The following JAKMIP1 variants were observed in gnomAD, a reference collection of about 807,000 sequenced individuals.
The protein encoded by JAKMIP1 is janus kinase and microtubule interacting protein 1.
In JAKMIP1, 33 loss-of-function variants were observed where a neutral mutation model predicts 113.0. That is an observed-to-expected ratio of 0.29 (90% CI 0.22 to 0.39). JAKMIP1 has a LOEUF of 0.39. JAKMIP1 is among the 10% of genes least tolerant of loss of function. JAKMIP1 has a pLI of 1.00. For missense variants in JAKMIP1, 813 were observed against 1,080.5 expected (o/e 0.75, Z 3.47); for synonymous variants, 480 against 459.9 (o/e 1.04, Z -0.56).
rs1470835663 is a variant in JAKMIP1 at position 6,040,216 on chromosome 4, G to A, written c.2175+423C>T. Among the ~76,000 whole-genome samples the A allele has an allele frequency of 1.3e-5, 2 of 152,084 alleles. No homozygotes were observed. Among genetic ancestry groups the A allele is most frequent in the Admixed American group, 6.5e-5 (1 of 15,280 alleles). ...AGTATTACATCCGACCTTATACCTCGTCCCTTCGGTTCTGAAAATCACCTG... is the reference window on the plus strand; with the variant it reads ...AGTATTACATCCGACCTTATACCTCATCCCTTCGGTTCTGAAAATCACCTG... On this transcript the variant is annotated intron_variant, in intron 18 of 20. Transcript: ENST00000409021. This position sits in a 1 kb window ranked among gnomAD's most constrained non-coding sequence, Gnocchi z 5.8.
At chr4:6,075,556 C>A (rs139680204) in intron 8 of JAKMIP1, among the ~76,000 whole-genome samples, 2 of 152,146 alleles carry the variant, frequency 1.3e-5, no homozygotes, top group African/African-American at 4.8e-5. Context: ...GACCCTAAAC[C>A]CATTCAGGAA....
rs76773767 is a variant in JAKMIP1 at position 6,155,081 on chromosome 4, G to A, written c.-147-42084C>T. ...CGGGAGATGCCAGCCCAGCCTGCTG[G>A]GAAGATACTTCTGGTGACAGTGTTG... On this transcript the variant is annotated intron_variant, in intron 1 of 20. Coordinates refer to ENST00000409021, the MANE Select transcript of JAKMIP1 (RefSeq NM_001099433.2). This position sits in a 1 kb window ranked among gnomAD's most constrained non-coding sequence, Gnocchi z 6.1. Among the ~76,000 whole-genome samples the A allele has an allele frequency of 0.054, 8,194 of 152,168 alleles. 302 individuals carry two copies. Among genetic ancestry groups the A allele is most frequent in the African/African-American group, 0.099 (4,096 of 41,490 alleles).
rs1714759722 is a variant in JAKMIP1, at chr4:6,044,659, T to C, written c.2029-2432A>G. Among the ~76,000 whole-genome samples the C allele has an allele frequency of 6.6e-6, 1 of 152,268 alleles. No homozygotes were observed. The highest frequency in any genetic ancestry group is 3.4e-3 in the Middle Eastern group (1 of 294). On this transcript the variant is annotated intron_variant, in intron 16 of 20. Coordinates refer to ENST00000409021, the MANE Select transcript of JAKMIP1 (RefSeq NM_001099433.2). The surrounding 1 kb of genome is among the most constrained non-coding windows in gnomAD (Gnocchi z 4.4). ...AATGGGAAATCCAGGTTTGGATGAT[T>C]ACAACATGCTGCTCTCAGAACGGTT...
rs939000053 is a variant in JAKMIP1 at position 6,081,229 on chromosome 4, G to A, written c.1101+380C>T. Among the ~76,000 whole-genome samples the A allele has an allele frequency of 6.6e-6, 1 of 152,222 alleles. No homozygotes were observed. Among genetic ancestry groups the A allele is most frequent in the African/African-American group, 2.4e-5 (1 of 41,454 alleles). Reference sequence around the variant, plus strand: ...AGCATCGCCAGCGATCATTGTAACAGCTTTCACTTGCTGGGTGTCCTCTGG... The same window carrying A: ...AGCATCGCCAGCGATCATTGTAACAACTTTCACTTGCTGGGTGTCCTCTGG... On this transcript the variant is annotated intron_variant, in intron 6 of 20. Transcript: ENST00000409021. This position sits in a 1 kb window ranked among gnomAD's most constrained non-coding sequence, Gnocchi z 4.6.
chr4:6,079,571 C>T (rs552834636), intron 7 of JAKMIP1, among the ~76,000 whole-genome samples: 2 of 152,336 alleles, frequency 1.3e-5, no homozygotes, highest in Admixed American at 1.3e-4. Context: ...CCAACTAAAG[C>T]TCCCTGCAGG....
At position 6,113,747 on chromosome 4, in the gene JAKMIP1, G is replaced by A. The variant is rs376320425; in HGVS notation, c.-147-750C>T. 9.2e-5 allele frequency among the ~76,000 whole-genome samples: 14 copies of A among 152,286 alleles called. No homozygotes were observed. In the East Asian group the frequency reaches 1.2e-3, roughly 13 times the overall value. The stretch of plus-strand genomic sequence containing the variant: ...CTCTGCTCTCCCTTCCCTTCACCAC[G>A]TCTCCTTCTCGTTTTCCATCTGACA... On this transcript the variant is annotated intron_variant, in intron 1 of 20. Transcript: ENST00000409021.
In JAKMIP1 at chr4:6,185,383, C is replaced by T. The variant is rs1245204002; in HGVS notation, c.-148+14870G>A. ...ACCCCAGGGGCCGGGCACGGTGGCT[C>T]ACGCCTGTAATCCCAGCACTTTGGG... On this transcript the variant is annotated intron_variant, in intron 1 of 20. Transcript: ENST00000409021. This position sits in a 1 kb window ranked among gnomAD's most constrained non-coding sequence, Gnocchi z 5.3. 6.6e-6 allele frequency among the ~76,000 whole-genome samples: 1 copy of T among 151,986 alleles called. No individual in the cohort carries two copies. Among genetic ancestry groups the T allele is most frequent in the Non-Finnish European group, 1.5e-5 (1 of 67,996 alleles).
rs1717283047 is a variant in JAKMIP1, at chr4:6,061,533, G to A, written c.1560+779C>T. Among the ~76,000 whole-genome samples, 1 of 152,250 alleles carries A rather than the reference G, an allele frequency of 6.6e-6. No individual in the cohort carries two copies. The highest frequency in any genetic ancestry group is 2.4e-5 in the African/African-American group (1 of 41,468). On this transcript the variant is annotated intron_variant, in intron 10 of 20. Coordinates refer to ENST00000409021, the MANE Select transcript of JAKMIP1 (RefSeq NM_001099433.2). The surrounding 1 kb of genome is among the most constrained non-coding windows in gnomAD (Gnocchi z 5.3). ...AATTCCCAAACAGGGCTCTGAGAAA[G>A]AGCACAGGCCCTGAGTCCGAGAAAC...
rs1033570433 is a variant in JAKMIP1 at position 6,093,343 on chromosome 4, T to C, written c.625-7714A>G. 2.0e-5 allele frequency among the ~76,000 whole-genome samples: 3 copies of C among 152,210 alleles called. No individual in the cohort carries two copies. Among genetic ancestry groups the C allele is most frequent in the Non-Finnish European group, 2.9e-5 (2 of 68,038 alleles). On this transcript the variant is annotated intron_variant, in intron 3 of 20. Transcript: ENST00000409021. The surrounding 1 kb of genome is among the most constrained non-coding windows in gnomAD (Gnocchi z 4.6). ...TGGAATCGTGTCTTATTTTTCTCTA[T>C]AACTCAGTAAATAAATATTCAACTG... is the stretch of plus-strand genomic sequence containing the variant.
intron 1 of JAKMIP1, among the ~76,000 whole-genome samples, chr4:6,189,840 T>C (rs1316659073): frequency 1.3e-5 from 2 of 152,104 alleles, no homozygotes; most frequent in Non-Finnish European, 2.9e-5. Flanking sequence ...AACAGGCAGA[T>C]CTATCAAAGG....
intron 7 of JAKMIP1, 51 bp from the exon 8 acceptor site, chr4:6,079,049 A>G (rs759186921): frequency 6.1e-5 from 97 of 1,602,770 alleles, no homozygotes; most frequent in Non-Finnish European, 8.1e-5. Flanking sequence ...ACATCTCACA[A>G]ACCAAAGCCA....
chr4:6,073,471 T>C (rs1026869467), intron 8 of JAKMIP1, among the ~76,000 whole-genome samples: 3 of 152,120 alleles, frequency 2.0e-5, no homozygotes, highest in Non-Finnish European at 4.4e-5. Flanking sequence ...AGCCCTCCCT[T>C]AAAGGATGAT....
chr4:6,191,024 G>A (rs909286917), intron 1 of JAKMIP1, among the ~76,000 whole-genome samples: 6 of 152,228 alleles, frequency 3.9e-5, no homozygotes, highest in Non-Finnish European at 8.8e-5. Flanking sequence ...CAGCAGCTTT[G>A]CCCATACTGG....
chr4:6,113,635 G>C (rs1660770684), intron 1 of JAKMIP1, among the ~76,000 whole-genome samples: 1 of 152,224 alleles, frequency 6.6e-6, no homozygotes, highest in Non-Finnish European at 1.5e-5. Context: ...AGAGGAAATA[G>C]TATGAACCTG....
chr4:6,162,882 A>G lies in JAKMIP1; in HGVS notation c.-148+37371T>C, dbSNP rs1422961858. On this transcript the variant is annotated intron_variant, in intron 1 of 20. Transcript: ENST00000409021. This position sits in a 1 kb window ranked among gnomAD's most constrained non-coding sequence, Gnocchi z 5.6. ...CTGCCACTCCCTCCCATCACCAAAG[A>G]AAGCACATCTGTACTAGCCTGCGAG... Among the ~76,000 whole-genome samples the G allele has an allele frequency of 1.3e-5, 2 of 152,198 alleles. No individual in the cohort carries two copies. The highest frequency in any genetic ancestry group is 2.9e-5 in the Non-Finnish European group (2 of 68,036).
chr4:6,174,940 G>A (rs1047990904), intron 1 of JAKMIP1, among the ~76,000 whole-genome samples: 8 of 152,116 alleles, frequency 5.3e-5, no homozygotes, highest in East Asian at 1.9e-4. Context: ...GTTCTGACCC[G>A]TGTCTCTTGA....
chr4:6,184,371 C>A lies in JAKMIP1; in HGVS notation c.-148+15882G>T, dbSNP rs1384791621. On this transcript the variant is annotated intron_variant, in intron 1 of 20. Transcript: ENST00000409021. This position sits in a 1 kb window ranked among gnomAD's most constrained non-coding sequence, Gnocchi z 4.5. ...AACACACGCCTCCCTACTCCCAGCCCACTGCTGGTTTTCAGACTCTGCCGC... is the reference window on the plus strand; with the variant it reads ...AACACACGCCTCCCTACTCCCAGCCAACTGCTGGTTTTCAGACTCTGCCGC... Among the ~76,000 whole-genome samples the A allele has an allele frequency of 6.6e-6, 1 of 152,200 alleles. No homozygotes were observed. Among genetic ancestry groups the A allele is most frequent in the Non-Finnish European group, 1.5e-5 (1 of 68,038 alleles).
chr4:6,036,189 C>A, intron 18 of JAKMIP1, 82 bp from the exon 19 acceptor site: 3 of 1,148,566 alleles, frequency 2.6e-6, no homozygotes, highest in Non-Finnish European at 3.7e-6. Flanking sequence ...CCAGTGGAGG[C>A]AGAGCCAGGG....
At chr4:6,104,853 G>A (rs1028528333) in intron 3 of JAKMIP1, among the ~76,000 whole-genome samples, 2 of 152,174 alleles carry the variant, frequency 1.3e-5, no homozygotes, top group Admixed American at 6.5e-5. Context: ...GGGCTCCTCT[G>A]GTTTCCATTG....
Sources: gnomAD v4.1 joint callset for allele counts (sites outside exome capture counted in the v4.1 genomes callset) on GRCh38, gnomAD v4.1.1 for gene constraint, Gnocchi (gnomAD v3.1) non-coding constraint, MANE v1.5 for transcripts, NCBI Gene and HGNC (gene_info 2026-07-23, HGNC 2026-07-21) for gene names.